TLL1: variants seen among roughly 807,000 people sequenced by gnomAD.
The protein encoded by TLL1 is tolloid like 1, also known as tolloid-like protein 1.
A neutral mutation model predicts 128.2 loss-of-function variants in TLL1; 49 were observed. The ratio of observed to expected loss-of-function variants is 0.38; its 90% CI spans 0.30 to 0.48. TLL1 has a LOEUF of 0.48. Ranked by LOEUF, TLL1 falls within the 20% of genes least tolerant of loss-of-function variation. The pLI is 0.96. For missense variants in TLL1, 1,123 were observed against 1,242.0 expected (o/e 0.90, Z 1.44); for synonymous variants, 454 against 418.8 (o/e 1.08, Z -1.03).
In TLL1 at chr4:166,074,906, T is replaced by C. The variant is rs1193763468; in HGVS notation, c.2217T>C (p.Gly739=). The C allele has an allele frequency of 2.5e-6, 4 of 1,613,460 alleles. No individual in the cohort carries two copies. The highest frequency in any genetic ancestry group is 3.4e-6 in the Non-Finnish European group (4 of 1,179,644). The stretch of plus-strand genomic sequence containing the variant: ...AAGATGAATGCTCTAAGGATAATGG[T>C]GGATGTCAGCACGAATGTGTCAACA... The part of the protein sequence containing the change: ...SDKDECSKDN[G]GCQHECVNTM... Residue 739 remains glycine, a synonymous_variant, in exon 17 of 21, where the codon GGT becomes GGC. Transcript: ENST00000061240.
rs367824293 is a variant in TLL1 at position 166,059,950 on chromosome 4, G to C, written c.1847-78G>C. 15 of 1,531,636 alleles carry C rather than the reference G, an allele frequency of 9.8e-6. 1 individual carries two copies. Among genetic ancestry groups the C allele is most frequent in the African/African-American group, 6.8e-5 (5 of 73,314 alleles). 94.9% of individuals were successfully genotyped at this position (1,531,636 alleles called of 1,614,324 possible). The stretch of plus-strand genomic sequence containing the variant: ...TGAAATTTAGTGCTGAGATGTTTGG[G>C]TATTAATTAATGGACAGGTGCTAAG... On this transcript the variant is annotated intron_variant, in intron 14 of 20. Transcript: ENST00000061240.
intron 9 of TLL1, among the ~76,000 whole-genome samples, chr4:166,038,970 T>A (rs897318170): frequency 2.0e-5 from 3 of 152,136 alleles, no homozygotes. Flanking sequence ...AAAATAGAAT[T>A]CTTCATGGCT....
At chr4:166,067,927 C>T (rs1740642659) in intron 16 of TLL1, among the ~76,000 whole-genome samples, 1 of 151,788 alleles carries the variant, frequency 6.6e-6, no homozygotes, top group African/African-American at 2.4e-5. Flanking sequence ...ATTCTCTTAA[C>T]CGTAAGAACT....
chr4:166,015,860 T>G (rs946737643), intron 8 of TLL1, among the ~76,000 whole-genome samples: 2 of 151,944 alleles, frequency 1.3e-5, no homozygotes, highest in East Asian at 1.9e-4. Context: ...AAATTATGTT[T>G]TTTTTTTTCA....
At chr4:165,962,114 A>T (rs1735135893) in intron 1 of TLL1, among the ~76,000 whole-genome samples, 1 of 152,200 alleles carries the variant, frequency 6.6e-6, no homozygotes, top group South Asian at 2.1e-4. Flanking sequence ...ACAAAAAGAG[A>T]AACTGTCAAC....
At chr4:165,986,267 T>C (rs1184689772) in intron 1 of TLL1, among the ~76,000 whole-genome samples, 1 of 152,120 alleles carries the variant, frequency 6.6e-6, no homozygotes, top group Non-Finnish European at 1.5e-5. Flanking sequence ...TAAATTGTCA[T>C]GGTCCAACTT....
At chr4:165,941,322 A>G (rs1733995970) in intron 1 of TLL1, among the ~76,000 whole-genome samples, 1 of 152,114 alleles carries the variant, frequency 6.6e-6, no homozygotes, top group Admixed American at 6.6e-5. Context: ...GTCCTACAGA[A>G]TAAATTGAAC....
chr4:165,951,274 T>G (rs2044448886), intron 1 of TLL1, among the ~76,000 whole-genome samples: 1 of 151,878 alleles, frequency 6.6e-6, no homozygotes, highest in South Asian at 2.1e-4. Context: ...ACAGAGAAAA[T>G]GTCAGATGCA....
intron 1 of TLL1, among the ~76,000 whole-genome samples, chr4:165,880,774 G>A (rs1730936419): frequency 6.6e-6 from 1 of 152,128 alleles, no homozygotes; most frequent in African/African-American, 2.4e-5. Flanking sequence ...GAGATGGAGG[G>A]GTAAAAGGGT....
chr4:165,920,381 C>A (rs1421280528), intron 1 of TLL1, among the ~76,000 whole-genome samples: 1 of 152,118 alleles, frequency 6.6e-6, no homozygotes, highest in African/African-American at 2.4e-5. Context: ...TGTTGTTGAG[C>A]ATTGTTGGTT....
chr4:166,099,885 A>G (rs1742211514), intron 20 of TLL1, among the ~76,000 whole-genome samples: 1 of 152,166 alleles, frequency 6.6e-6, no homozygotes, highest in African/African-American at 2.4e-5. Context: ...TCTGAATTAA[A>G]GCATAAAGGA....
At chr4:165,969,164 G>A (rs1473598605) in intron 1 of TLL1, among the ~76,000 whole-genome samples, 1 of 151,906 alleles carries the variant, frequency 6.6e-6, no homozygotes, top group Non-Finnish European at 1.5e-5. Flanking sequence ...GTTTTTCTTT[G>A]AACCTGGAAA....
At chr4:165,984,530 G>A (rs1389295722) in intron 1 of TLL1, among the ~76,000 whole-genome samples, 1 of 151,878 alleles carries the variant, frequency 6.6e-6, no homozygotes, top group Non-Finnish European at 1.5e-5. Context: ...AGCAAGACCG[G>A]TCAGAGCAGC....
intron 1 of TLL1, among the ~76,000 whole-genome samples, chr4:165,976,757 G>T (rs1735902250): frequency 6.6e-6 from 1 of 152,206 alleles, no homozygotes; most frequent in Non-Finnish European, 1.5e-5. Context: ...TTGGAAAAGG[G>T]ATAGAGGTTC....
chr4:165,873,684 C>G lies in TLL1; in HGVS notation c.-221C>G, dbSNP rs909197782. On this transcript the variant is annotated 5_prime_UTR_variant, in exon 1 of 21. Transcript: ENST00000061240. Reference sequence around the variant, plus strand: ...CTGCCCTCCGCCCACCCGTGGGCCCCTAGCCAACTTCTCCCTGCGACTGGG... The same window carrying G: ...CTGCCCTCCGCCCACCCGTGGGCCCGTAGCCAACTTCTCCCTGCGACTGGG... The G allele has an allele frequency of 2.1e-4, 117 of 547,216 alleles. No individual in the cohort carries two copies. Among genetic ancestry groups the G allele is most frequent in the Middle Eastern group, 1.5e-3 (3 of 2,054 alleles). The allele number at this position is 547,216 out of a possible 1,614,324, so 33.9% of individuals were successfully genotyped here.
intron 1 of TLL1, among the ~76,000 whole-genome samples, chr4:165,912,085 C>G (rs1045334738): frequency 2.0e-5 from 3 of 152,146 alleles, no homozygotes; most frequent in Admixed American, 6.5e-5. Flanking sequence ...CCATGTTAGC[C>G]AGGATGGTCT....
chr4:165,956,881 C>G (rs574019092), intron 1 of TLL1, among the ~76,000 whole-genome samples: 2 of 151,986 alleles, frequency 1.3e-5, no homozygotes, highest in Admixed American at 1.3e-4. Flanking sequence ...CCTGACTTCC[C>G]GCAATACCTG....
At chr4:165,998,569 G>A (rs913070246) in intron 5 of TLL1, among the ~76,000 whole-genome samples, 2 of 151,870 alleles carry the variant, frequency 1.3e-5, no homozygotes, top group Admixed American at 1.3e-4. Context: ...CGAGGCGGGC[G>A]GATCACGAGG....
chr4:165,905,694 G>A (rs1732217203), intron 1 of TLL1, among the ~76,000 whole-genome samples: 1 of 152,132 alleles, frequency 6.6e-6, no homozygotes, highest in African/African-American at 2.4e-5. Context: ...GTGAAATTTG[G>A]TTGAAATTAG....
Sources: allele counts gnomAD v4.1 joint callset (sites outside exome capture counted in the v4.1 genomes callset), GRCh38; gene constraint gnomAD v4.1.1; transcripts MANE v1.5; gene names NCBI Gene and HGNC (gene_info 2026-07-23, HGNC 2026-07-21).